Variants in ABCB4 observed in about 807,000 individuals in gnomAD.
The protein encoded by ABCB4 is phosphatidylcholine translocator ABCB4.
Under a neutral mutation model 145.7 loss-of-function variants are expected in ABCB4, and 76 were observed. The ratio of observed to expected loss-of-function variants is 0.52; its 90% CI spans 0.43 to 0.63. The LOEUF (loss-of-function observed/expected upper bound fraction) is 0.63, where lower values mean the gene tolerates loss of function less well. ABCB4 is among the 30% of genes least tolerant of loss of function. The probability of loss-of-function intolerance (pLI) is 0.00; values close to 1 mark genes in which losing one functional copy is unlikely to be tolerated. For missense variants in ABCB4, 1,234 were observed against 1,553.1 expected (o/e 0.79, Z 3.45); for synonymous variants, 517 against 566.8 (o/e 0.91, Z 1.25).
At chr7:87,390,175 A>G in the ABCB4 span, among the ~76,000 whole-genome samples, 3 of 152,162 alleles carry the variant, frequency 2.0e-5, no homozygotes, top group Non-Finnish European at 4.4e-5. Context: ...GATAATATGC[A>G]TCAGTTCCTA....
chr7:87,413,543 T>A (rs1308220372), intron 22 of ABCB4, 74 bp downstream of exon 22: 2 of 986,004 alleles, frequency 2.0e-6, no homozygotes, highest in East Asian at 2.4e-5. Flanking sequence ...GCAGAGCTTT[T>A]ATTATCTTTT....
intron 14 of ABCB4, among the ~76,000 whole-genome samples, chr7:87,438,507 G>C (rs1810756571): frequency 1.3e-5 from 2 of 152,148 alleles, no homozygotes. Context: ...CTAGCACTTT[G>C]GGAGGTTGAG....
the ABCB4 span, chr7:87,375,395 G>A: frequency 1.8e-5 from 8 of 435,316 alleles, no homozygotes; most frequent in African/African-American, 1.6e-4. Flanking sequence ...ACTAAATTTA[G>A]CCAATAACTA....
chr7:87,381,076 A>T, the ABCB4 span, among the ~76,000 whole-genome samples: 2 of 152,146 alleles, frequency 1.3e-5, no homozygotes, highest in Non-Finnish European at 2.9e-5. Flanking sequence ...TTAGGGTGAC[A>T]TTTAAGACAC....
intron 3 of ABCB4, among the ~76,000 whole-genome samples, chr7:87,471,823 T>C (rs1236278983): frequency 6.6e-6 from 1 of 152,220 alleles, no homozygotes; most frequent in Non-Finnish European, 1.5e-5. Flanking sequence ...CCGAAAACTG[T>C]TTTAAGCATA....
intron 3 of ABCB4, among the ~76,000 whole-genome samples, chr7:87,468,847 C>T (rs1420179595): frequency 2.6e-5 from 4 of 152,044 alleles, no homozygotes; most frequent in East Asian, 3.9e-4. Flanking sequence ...AGGAGAATGG[C>T]GTGAACCCGG....
the ABCB4 span, among the ~76,000 whole-genome samples, chr7:87,394,756 G>A: frequency 2.6e-5 from 4 of 152,028 alleles, no homozygotes; most frequent in African/African-American, 7.2e-5. Context: ...TAGAAAAAGC[G>A]AAGTTATTAT....
In ABCB4 at chr7:87,406,401, T is replaced by G. The variant is rs369310248; in HGVS notation, c.3373A>C (p.Ser1125Arg). ...VSQEPILFDC[S>R]IAENIAYGDN... ...CCATAGGCAATATTCTCGGCAATGC[T>G]GCAGTCAAATAGGATAGGCTCCTGA... The change falls in exon 26 of 28, where the codon AGC (serine) becomes CGC (arginine). Residue 1125 changes from serine (S) to arginine (R), a missense_variant. By Grantham distance (110) the Ser-to-Arg change is moderately radical. Coordinates refer to ENST00000649586, the MANE Select transcript of ABCB4 (RefSeq NM_000443.4). The G allele has an allele frequency of 6.2e-7, 1 of 1,614,072 alleles. No homozygotes were observed. The highest frequency in any genetic ancestry group is 8.5e-7 in the Non-Finnish European group (1 of 1,180,012).
At chr7:87,438,957 C>T (rs1810795205) in intron 14 of ABCB4, among the ~76,000 whole-genome samples, 2 of 152,108 alleles carry the variant, frequency 1.3e-5, no homozygotes, top group Non-Finnish European at 2.9e-5. Context: ...TATTACTGAA[C>T]TGTCTTAAAT....
intron 22 of ABCB4, 22 bp downstream of exon 22, chr7:87,413,595 C>T (rs779503998): frequency 7.0e-7 from 1 of 1,434,042 alleles, no homozygotes; most frequent in Admixed American, 1.7e-5. Flanking sequence ...AGGTTCTTAG[C>T]AGGAATCATA....
At chr7:87,472,537 G>A in intron 3 of ABCB4, 84 bp downstream of exon 3, 14 of 1,212,928 alleles carry the variant, frequency 1.2e-5, no homozygotes, top group Non-Finnish European at 1.6e-5. Flanking sequence ...CAATCTTAAA[G>A]TATTTGCTTT....
At chr7:87,412,121 C>A in intron 22 of ABCB4, 88 bp from the exon 23 acceptor site, 2 of 1,505,890 alleles carry the variant, frequency 1.3e-6, no homozygotes, top group Non-Finnish European at 1.8e-6. Context: ...TAAGTCTGGC[C>A]GAGTGGGTTT....
At chr7:87,376,044 C>T in the ABCB4 span, 130 of 1,261,148 alleles carry the variant, frequency 1.0e-4, no homozygotes, top group Non-Finnish European at 1.3e-4. Context: ...TCTTTTTCTA[C>T]CTTTAGGCTC....
At chr7:87,459,580 T>C (rs1812317613) in intron 4 of ABCB4, among the ~76,000 whole-genome samples, 1 of 152,142 alleles carries the variant, frequency 6.6e-6, no homozygotes, top group Non-Finnish European at 1.5e-5. Flanking sequence ...TAGAAGCCAT[T>C]TAAAATTTTT....
At chr7:87,382,614 A>G in the ABCB4 span, 1 of 1,465,484 alleles carries the variant, frequency 6.8e-7, no homozygotes, top group Non-Finnish European at 9.2e-7. Flanking sequence ...TAGCTATTTC[A>G]TCCTAACTCC....
intron 19 of ABCB4, 71 bp from the exon 20 acceptor site, chr7:87,418,691 C>A: frequency 2.1e-6 from 3 of 1,463,298 alleles, no homozygotes; most frequent in Admixed American, 1.8e-5. Flanking sequence ...CAAAGCCTCC[C>A]AAAGCTCCAA....
At chr7:87,429,570 G>A (rs894036002) in intron 15 of ABCB4, among the ~76,000 whole-genome samples, 2 of 152,348 alleles carry the variant, frequency 1.3e-5, no homozygotes, top group Middle Eastern at 3.4e-3. Flanking sequence ...CAATAGGACA[G>A]CCAAGTGGTT....
chr7:87,431,212 T>C (rs1324515041), intron 15 of ABCB4, among the ~76,000 whole-genome samples, 192 bp downstream of exon 15: 1 of 152,228 alleles, frequency 6.6e-6, no homozygotes, highest in Non-Finnish European at 1.5e-5. Flanking sequence ...CATGATGTTT[T>C]TGGCACTTTC....
chr7:87,394,758 AGTT>A, the ABCB4 span, among the ~76,000 whole-genome samples: 1 of 152,152 alleles, frequency 6.6e-6, no homozygotes, highest in African/African-American at 2.4e-5. Context: ...GAAAAAGCGA[AGTT>A]ATTATATGAC....
Sources: allele counts gnomAD v4.1 joint callset (sites outside exome capture counted in the v4.1 genomes callset), GRCh38; gene constraint gnomAD v4.1.1; transcripts MANE v1.5; gene names NCBI Gene and HGNC (gene_info 2026-07-23, HGNC 2026-07-21).